Variants in ATP6V1H observed in about 807,000 individuals in gnomAD.
ATP6V1H encodes V-type proton ATPase subunit H.
Under a neutral mutation model 71.7 loss-of-function variants are expected in ATP6V1H, and 39 were observed. The observed-to-expected ratio is 0.54, with a 90% confidence interval of 0.42 to 0.71. The LOEUF (loss-of-function observed/expected upper bound fraction) is 0.71. Ranked by LOEUF, ATP6V1H falls within the 30% of genes least tolerant of loss-of-function variation. The pLI, the probability that ATP6V1H is intolerant of heterozygous loss-of-function variation, is 0.00. For synonymous variants in ATP6V1H, 192 were observed against 199.3 expected (o/e 0.96, Z 0.31); for missense variants, 509 against 594.9 (o/e 0.86, Z 1.50).
chr8:53,828,136 T>C (rs148244385), intron 4 of ATP6V1H, among the ~76,000 whole-genome samples: 337 of 152,314 alleles, frequency 2.2e-3, no homozygotes, highest in African/African-American at 7.7e-3. Context: ...AACAATGGGA[T>C]TGCTGGGTCA....
chr8:53,790,042 T>G lies in ATP6V1H; in HGVS notation c.870+5605A>C, dbSNP rs191383203. On this transcript the variant is annotated intron_variant, in intron 9 of 13. Coordinates refer to ENST00000359530, the MANE Select transcript of ATP6V1H (RefSeq NM_015941.4). ...ATATATCTCCTTTTCTGAAAAAAGC[T>G]TTCAGTACCAAGTTTATTAACAACT... is the stretch of plus-strand genomic sequence containing the variant. Among the ~76,000 whole-genome samples, 429 of 152,326 alleles carry G rather than the reference T, an allele frequency of 2.8e-3. 2 individuals carry two copies. The highest frequency in any genetic ancestry group is 4.5e-3 in the Non-Finnish European group (308 of 68,022).
chr8:53,781,379 G>C (rs1809123043), intron 9 of ATP6V1H, among the ~76,000 whole-genome samples: 1 of 152,082 alleles, frequency 6.6e-6, no homozygotes, highest in Non-Finnish European at 1.5e-5. Flanking sequence ...CCCACTTTTT[G>C]ATGGGGTTGT....
In ATP6V1H at chr8:53,769,745, T is replaced by C. The variant is rs1440997681; in HGVS notation, c.1050-2A>G. 5.0e-6 allele frequency: 8 copies of C among 1,594,638 alleles called. No homozygotes were observed. The highest frequency in any genetic ancestry group is 6.8e-6 in the Non-Finnish European group (8 of 1,172,406). ...TCTGAACTGTATTCATCAAATGAAC[T>C]ATAAAAATGTTCAAAAGAATTCAAG... On this transcript the variant is annotated splice_acceptor_variant, in intron 10 of 13. Transcript: ENST00000359530. LOFTEE classifies it high-confidence loss of function.
rs373443881 is a variant in ATP6V1H at position 53,753,481 on chromosome 8, TG to T, written c.1277+3073del. ...ATTACGTGAAGGCATAGCAGGCTTC[TG>T]CCTTGGCAGCAGGTCAGGTGTGCAC... On this transcript the variant is annotated intron_variant, in intron 12 of 13. Coordinates refer to ENST00000359530, the MANE Select transcript of ATP6V1H (RefSeq NM_015941.4). 6.5e-4 allele frequency among the ~76,000 whole-genome samples: 99 copies of T among 152,362 alleles called. 1 individual carries two copies. The East Asian group carries it at 0.015, about 23-fold the overall frequency.
intron 8 of ATP6V1H, 85 bp from the exon 9 acceptor site, chr8:53,795,924 G>T: frequency 8.4e-7 from 1 of 1,197,210 alleles, no homozygotes. Flanking sequence ...TGCACTAATG[G>T]AACAGGTCTC....
intron 7 of ATP6V1H, among the ~76,000 whole-genome samples, chr8:53,805,088 A>C (rs1250237299): frequency 6.6e-6 from 1 of 152,282 alleles, no homozygotes; most frequent in African/African-American, 2.4e-5. Context: ...GTATGTACAA[A>C]GTAAAACTAA....
At chr8:53,771,367 G>A (rs1009733702) in intron 10 of ATP6V1H, among the ~76,000 whole-genome samples, 1 of 152,130 alleles carries the variant, frequency 6.6e-6, no homozygotes, top group Non-Finnish European at 1.5e-5. Context: ...AAGATATTAT[G>A]TACGAAACAG....
At position 53,829,483 on chromosome 8, in the gene ATP6V1H, G is replaced by A. The variant is rs771307254; in HGVS notation, c.267C>T (p.Thr89=). 82 of 1,603,396 alleles carry A rather than the reference G, an allele frequency of 5.1e-5. 1 individual carries two copies. The highest frequency in any genetic ancestry group is 6.4e-5 in the Non-Finnish European group (75 of 1,176,164). ...CCACCATAGTTAGTATATACTGAAC[G>A]GTCTGTTCTTTGCAGATATGAGTCA... The part of the protein sequence containing the change: ...NLMTHICKEQ[T]VQYILTMVDD... Residue 89 remains threonine, a synonymous_variant, in exon 4 of 14, where the codon ACC becomes ACT. Transcript: ENST00000359530.
intron 4 of ATP6V1H, among the ~76,000 whole-genome samples, chr8:53,823,220 T>C (rs1411702003): frequency 6.6e-6 from 1 of 152,220 alleles, no homozygotes; most frequent in Non-Finnish European, 1.5e-5. Flanking sequence ...CTGGTATATT[T>C]ATAAAATTGA....
rs1056985866 is a variant in ATP6V1H, at chr8:53,795,856, C to A, written c.678-17G>T. ...CCCATTATGCTGAAAAACAAACAAA[C>A]AAAAAAAACACATTTACAAAACATT... On this transcript the variant is annotated splice_polypyrimidine_tract_variant and intron_variant, in intron 8 of 13. Transcript: ENST00000359530. 709 of 1,566,250 alleles carry A rather than the reference C, an allele frequency of 4.5e-4. No individual in the cohort carries two copies. The highest frequency in any genetic ancestry group is 7.4e-4 in the Admixed American group (35 of 47,468).
chr8:53,769,723 G>C lies in ATP6V1H; in HGVS notation c.1070C>G (p.Ser357Ter). ...QDLSSFDEYS[S>*]ELKSGRLEWS... ...TTCCAACCTTCCAGATTTAAGTTCT[G>C]AACTGTATTCATCAAATGAACTATA... Residue 357 changes from serine to a stop codon, truncating the protein, a stop_gained, in exon 11 of 14, where the codon TCA (serine) becomes TGA (stop). Transcript: ENST00000359530. LOFTEE classifies it high-confidence loss of function. 6.2e-7 allele frequency: 1 copy of C among 1,610,584 alleles called. No individual in the cohort carries two copies. The highest frequency in any genetic ancestry group is 8.5e-7 in the Non-Finnish European group (1 of 1,178,262).
chr8:53,798,885 T>C (rs1398552119), intron 8 of ATP6V1H, among the ~76,000 whole-genome samples: 1 of 152,214 alleles, frequency 6.6e-6, no homozygotes, highest in Non-Finnish European at 1.5e-5. Context: ...TTTTTGCTGC[T>C]AAATGGTTAA....
chr8:53,806,972 G>A (rs530933515), intron 7 of ATP6V1H: 1 of 390,146 alleles, frequency 2.6e-6, no homozygotes, highest in Non-Finnish European at 5.2e-6. Flanking sequence ...ACCATCGTAG[G>A]GCAGGGACTG....
At chr8:53,766,049 G>A (rs1056775807) in intron 11 of ATP6V1H, among the ~76,000 whole-genome samples, 2 of 152,270 alleles carry the variant, frequency 1.3e-5, no homozygotes, top group East Asian at 1.9e-4. Flanking sequence ...AGATAGTCTT[G>A]TCAAAACCCA....
rs140555468 is a variant in ATP6V1H at position 53,718,426 on chromosome 8, T to C, written c.1392-2402A>G. 8.4e-3 allele frequency among the ~76,000 whole-genome samples: 1,234 copies of C among 146,610 alleles called. 3 individuals are homozygous for C. Among genetic ancestry groups the C allele is most frequent in the African/African-American group, 0.015 (586 of 38,520 alleles). ...TTTTTTGAGACAGGGTTTTGCTCCA[T>C]TGCCCAGGCTGGAGTGCAGTGGTGC... On this transcript the variant is annotated intron_variant, in intron 13 of 13. Transcript: ENST00000359530.
intron 9 of ATP6V1H, among the ~76,000 whole-genome samples, chr8:53,784,767 T>G (rs1223496150): frequency 6.6e-6 from 1 of 152,230 alleles, no homozygotes; most frequent in African/African-American, 2.4e-5. Context: ...TGCTTGTCTG[T>G]AAATGATTTT....
chr8:53,811,853 A>G (rs1364341099), intron 6 of ATP6V1H, among the ~76,000 whole-genome samples: 1 of 152,204 alleles, frequency 6.6e-6, no homozygotes, highest in Non-Finnish European at 1.5e-5. Flanking sequence ...CCCAAGTGCA[A>G]CGCTCCAAAC....
At chr8:53,729,694 T>C (rs1209440495) in intron 13 of ATP6V1H, among the ~76,000 whole-genome samples, 1 of 152,224 alleles carries the variant, frequency 6.6e-6, no homozygotes, top group Non-Finnish European at 1.5e-5. Flanking sequence ...CCACAGTTAT[T>C]CTTGTAAACT....
intron 2 of ATP6V1H, among the ~76,000 whole-genome samples, chr8:53,834,902 G>A (rs191884407): frequency 2.0e-5 from 3 of 152,270 alleles, no homozygotes; most frequent in East Asian, 3.9e-4. Flanking sequence ...AGCACTTTGA[G>A]AGGCCAAGAT....
Sources: allele counts gnomAD v4.1 joint callset (sites outside exome capture counted in the v4.1 genomes callset), GRCh38; gene constraint gnomAD v4.1.1; transcripts MANE v1.5; gene names NCBI Gene and HGNC (gene_info 2026-07-23, HGNC 2026-07-21).